FAM117B: variants seen among roughly 807,000 people sequenced by gnomAD.
FAM117B encodes the protein protein FAM117B.
FAM117B carries 22 observed loss-of-function variants against 52.8 expected under a neutral mutation model. The ratio of observed to expected loss-of-function variants is 0.42; its 90% CI spans 0.30 to 0.59. The LOEUF (loss-of-function observed/expected upper bound fraction) is 0.59. Ranked by LOEUF, FAM117B falls within the 20% of genes least tolerant of loss-of-function variation. The pLI is 0.22. For synonymous variants in FAM117B, 309 were observed against 324.1 expected (o/e 0.95, Z 0.50); for missense variants, 678 against 802.6 (o/e 0.84, Z 1.88).
chr2:202,651,374 TC>T (rs375129413), intron 1 of FAM117B, among the ~76,000 whole-genome samples: 85 of 148,896 alleles, frequency 5.7e-4, no homozygotes, highest in Non-Finnish European at 5.8e-4. Flanking sequence ...AATTTACCAT[TC>T]CTTTTTTTTT....
chr2:202,710,916 C>T (rs1690947676), intron 2 of FAM117B, among the ~76,000 whole-genome samples: 1 of 152,094 alleles, frequency 6.6e-6, no homozygotes, highest in South Asian at 2.1e-4. Flanking sequence ...GAATAGTACT[C>T]CATTGTGTGT....
chr2:202,634,989 T>C lies in FAM117B; in HGVS notation c.-199T>C, dbSNP rs1689645012. Among the ~76,000 whole-genome samples the C allele has an allele frequency of 2.1e-5, 3 of 141,720 alleles. No individual in the cohort carries two copies. The highest frequency in any genetic ancestry group is 4.6e-5 in the Non-Finnish European group (3 of 65,280). 93.0% of individuals were successfully genotyped at this position (141,720 alleles called of 152,430 possible). A position where few individuals can be genotyped will look rare whatever the true frequency, so the allele number is the denominator to read the frequency against. On this transcript the variant is annotated 5_prime_UTR_variant, in exon 1 of 8. The change abolishes an upstream ATG in the 5' untranslated region. Coordinates refer to ENST00000392238, the MANE Select transcript of FAM117B (RefSeq NM_173511.4). ...GCAGCAGAGGAGACACTATTGTTGA[T>C]GAGGAGCGGCGGCGGCGGCGGCGGC... is the stretch of plus-strand genomic sequence containing the variant.
Position 202,635,564 on chromosome 2 carries a change from C to G in FAM117B, c.377C>G (p.Thr126Arg), listed in dbSNP as rs1689668578. 1 of 1,219,130 alleles carries G rather than the reference C, an allele frequency of 8.2e-7. No individual in the cohort carries two copies. The highest frequency in any genetic ancestry group is 3.5e-5 in the East Asian group (1 of 28,240). The allele number at this position is 1,219,130 out of a possible 1,614,324, so 75.5% of individuals were successfully genotyped here. A position where few individuals can be genotyped will look rare whatever the true frequency, so the allele number is the denominator to read the frequency against. The change falls in exon 1 of 8, where the codon ACG becomes AGG. Residue 126 changes from threonine to arginine, a missense_variant. Thr to Arg is a moderately conservative substitution (Grantham distance 71). Transcript: ENST00000392238. ...SATSTRGTSP[T>R]RSAAPGARGS... ...ACGTCCACGCGAGGCACCAGCCCCA[C>G]GCGCAGCGCCGCGCCTGGAGCTCGC...
At chr2:202,649,410 A>G (rs1689922635) in intron 1 of FAM117B, among the ~76,000 whole-genome samples, 1 of 152,164 alleles carries the variant, frequency 6.6e-6, no homozygotes, top group African/African-American at 2.4e-5. Flanking sequence ...GTGTTGTCTA[A>G]TATTTCATAT....
intron 6 of FAM117B, 91 bp from the exon 7 acceptor site, chr2:202,759,142 C>A: frequency 1.4e-6 from 2 of 1,417,130 alleles, no homozygotes; most frequent in South Asian, 1.3e-5. Flanking sequence ...TGTTCCTGCC[C>A]TCAAGTAGTT....
At chr2:202,712,518 T>A (rs1236323099) in intron 2 of FAM117B, among the ~76,000 whole-genome samples, 1 of 150,568 alleles carries the variant, frequency 6.6e-6, no homozygotes, top group Non-Finnish European at 1.5e-5. Flanking sequence ...ACTTCTTCCA[T>A]TACAGTTTGG....
chr2:202,756,384 T>C (rs1437910879), intron 5 of FAM117B, among the ~76,000 whole-genome samples: 3 of 152,006 alleles, frequency 2.0e-5, no homozygotes, highest in East Asian at 3.9e-4. Context: ...AAAAAAAAAT[T>C]CTGCCTATTC....
At chr2:202,637,920 A>G (rs1689712616) in intron 1 of FAM117B, among the ~76,000 whole-genome samples, 1 of 144,434 alleles carries the variant, frequency 6.9e-6, no homozygotes, top group African/African-American at 2.6e-5. Flanking sequence ...TCTGTCACCT[A>G]GGCTGGAGTG....
chr2:202,710,652 T>G (rs185414306), intron 2 of FAM117B, among the ~76,000 whole-genome samples: 242 of 152,210 alleles, frequency 1.6e-3, no homozygotes, highest in African/African-American at 5.8e-3. Context: ...AAATACTAGA[T>G]CTTATTCTAT....
At chr2:202,657,898 T>C (rs1156485318) in intron 1 of FAM117B, among the ~76,000 whole-genome samples, 1 of 152,208 alleles carries the variant, frequency 6.6e-6, no homozygotes, top group South Asian at 2.1e-4. Flanking sequence ...TGTTTTGTTT[T>C]GTTTTTGGTG....
intron 4 of FAM117B, among the ~76,000 whole-genome samples, chr2:202,731,362 T>TATATATATATATATATATATATATAC (rs1185524899): frequency 7.6e-6 from 1 of 131,340 alleles, no homozygotes; most frequent in East Asian, 2.3e-4. Context: ...TATATATATA[T>TATATATATATATATATATATATATAC]ATATATGGAG....
chr2:202,763,657 T>C (rs1396816179), intron 7 of FAM117B, among the ~76,000 whole-genome samples: 1 of 152,204 alleles, frequency 6.6e-6, no homozygotes, highest in Non-Finnish European at 1.5e-5. Flanking sequence ...TATATCCAAA[T>C]ATACTTGTGG....
At chr2:202,697,606 A>G (rs1461471446) in intron 2 of FAM117B, among the ~76,000 whole-genome samples, 1 of 145,130 alleles carries the variant, frequency 6.9e-6, no homozygotes, top group Non-Finnish European at 1.5e-5. Context: ...GCTGGAGTGC[A>G]GTGGTATAAT....
Position 202,757,332 on chromosome 2 carries a change from C to T in FAM117B, c.1224C>T (p.Ser408=). 1 of 1,614,126 alleles carries T rather than the reference C, an allele frequency of 6.2e-7. No individual in the cohort carries two copies. Among genetic ancestry groups the T allele is most frequent in the South Asian group, 1.1e-5 (1 of 91,082 alleles). ...GGADRGSNNS[S]RSQSVSPTSF... is the part of the protein sequence containing the mutation. The stretch of plus-strand genomic sequence containing the variant: ...CAGACAGGGGAAGCAACAACAGCAG[C>T]CGTTCCCAGTCCGTGTCCCCAACAT... Residue 408 remains serine (S), a synonymous_variant, in exon 6 of 8, where the codon AGC becomes AGT. Coordinates refer to ENST00000392238, the MANE Select transcript of FAM117B (RefSeq NM_173511.4).
chr2:202,746,882 A>G (rs1437539468), intron 4 of FAM117B, among the ~76,000 whole-genome samples: 2 of 152,030 alleles, frequency 1.3e-5, no homozygotes, highest in African/African-American at 4.8e-5. Context: ...AGTTTCTCCT[A>G]ACTCATTTTA....
chr2:202,716,718 T>C (rs753645273), intron 2 of FAM117B, among the ~76,000 whole-genome samples: 1 of 152,206 alleles, frequency 6.6e-6, no homozygotes, highest in Non-Finnish European at 1.5e-5. Context: ...TTTTTTTCTT[T>C]TGTCTCTTCT....
At chr2:202,648,453 G>T (rs1411161521) in intron 1 of FAM117B, among the ~76,000 whole-genome samples, 1 of 151,426 alleles carries the variant, frequency 6.6e-6, no homozygotes, top group African/African-American at 2.4e-5. Context: ...GGAGGTGGAG[G>T]TTGCAGTGAG....
At position 202,710,796 on chromosome 2, in the gene FAM117B, A is replaced by T. The variant is rs1690945724; in HGVS notation, c.754-14121A>T. ...GTTGTTTTAATTTTGAGCTCCCACA[A>T]ATGAGAACCTGCAAAGTTTGTCTTT... On this transcript the variant is annotated intron_variant, in intron 2 of 7. Transcript: ENST00000392238. 2.0e-5 allele frequency among the ~76,000 whole-genome samples: 3 copies of T among 152,244 alleles called. No homozygotes were observed. In the South Asian group the frequency reaches 6.2e-4, roughly 32 times the overall value.
chr2:202,751,771 C>CAAAAAAAAAAAAAAAAAAAAAAAAAA, intron 4 of FAM117B, among the ~76,000 whole-genome samples: 1 of 76,220 alleles, frequency 1.3e-5, no homozygotes, highest in Non-Finnish European at 2.4e-5. Context: ...GACTCCATCT[C>CAAAAAAAAAAAAAAAAAAAAAAAAAA]AAAAAAAAAA....
Sources: gnomAD v4.1 joint callset for allele counts (sites outside exome capture counted in the v4.1 genomes callset) on GRCh38, gnomAD v4.1.1 for gene constraint, MANE v1.5 for transcripts, NCBI Gene and HGNC (gene_info 2026-07-23, HGNC 2026-07-21) for gene names.